Variants in SNTG1 observed in about 807,000 individuals in gnomAD.
The protein encoded by SNTG1 is syntrophin gamma 1.
SNTG1 carries 39 observed loss-of-function variants against 74.7 expected under a neutral mutation model. The ratio of observed to expected loss-of-function variants is 0.52; its 90% CI spans 0.40 to 0.68. SNTG1 has a LOEUF of 0.68. SNTG1 is among the 30% of genes least tolerant of loss of function. SNTG1 has a pLI of 0.00. For synonymous variants in SNTG1, 254 were observed against 217.1 expected, an observed-to-expected ratio of 1.17 and a Z score of -1.49; for missense variants, 685 against 609.5, an observed-to-expected ratio of 1.12 and a Z score of -1.30.
intron 2 of SNTG1, among the ~76,000 whole-genome samples, chr8:50,250,925 C>G (rs546091634): frequency 1.3e-5 from 2 of 151,634 alleles, no homozygotes; most frequent in Non-Finnish European, 2.9e-5. Flanking sequence ...ATAACCATAC[C>G]CAGAATTCCC....
chr8:50,115,576 A>AAAAAAAAAAAAAAAACAAAAC (rs1482375164), intron 1 of SNTG1, among the ~76,000 whole-genome samples: 1 of 82,800 alleles, frequency 1.2e-5, no homozygotes. Context: ...TCAAAAAAAA[A>AAAAAAAAAAAAAAAACAAAAC]AAAAAAAAAA....
rs140611176 is a variant in SNTG1 at position 50,627,677 on chromosome 8, C to T, written c.850-29232C>T. ...TTTGATTAATTTGCTAGAGCAGCTC[C>T]CAGAATGCAGGAAACATTTTACTTC... is the stretch of plus-strand genomic sequence containing the variant. On this transcript the variant is annotated intron_variant, in intron 13 of 18. Coordinates refer to ENST00000642720, the MANE Select transcript of SNTG1 (RefSeq NM_018967.5). 5.3e-3 allele frequency among the ~76,000 whole-genome samples: 810 copies of T among 152,234 alleles called. 6 individuals are homozygous for T. Among genetic ancestry groups the T allele is most frequent in the Middle Eastern group, 0.017 (5 of 294 alleles).
intron 1 of SNTG1, among the ~76,000 whole-genome samples, chr8:50,100,556 T>C (rs563699633): frequency 1.3e-5 from 2 of 152,160 alleles, no homozygotes; most frequent in East Asian, 3.9e-4. Context: ...TTATTACCTG[T>C]CAATTAAAAA....
chr8:49,977,888 T>C (rs1486803323), intron 1 of SNTG1, among the ~76,000 whole-genome samples: 1 of 152,228 alleles, frequency 6.6e-6, no homozygotes, highest in African/African-American at 2.4e-5. Context: ...GCTTGGGCGT[T>C]AGACGGTCTT....
intron 13 of SNTG1, among the ~76,000 whole-genome samples, chr8:50,613,283 G>C (rs2094863918): frequency 6.6e-6 from 1 of 152,046 alleles, no homozygotes; most frequent in Non-Finnish European, 1.5e-5. Context: ...AAAATTTCCT[G>C]AGTTTAGGGT....
chr8:50,700,345 T>C (rs1293935353), intron 15 of SNTG1, among the ~76,000 whole-genome samples: 1 of 152,174 alleles, frequency 6.6e-6, no homozygotes, highest in Non-Finnish European at 1.5e-5. Context: ...GAAACTCTAG[T>C]AAAAGAAATC....
intron 2 of SNTG1, among the ~76,000 whole-genome samples, chr8:50,264,593 G>A (rs561357230): frequency 6.7e-6 from 1 of 149,236 alleles, no homozygotes; most frequent in Non-Finnish European, 1.5e-5. Context: ...AAAGAAGAAA[G>A]AAACCAGAAA....
intron 1 of SNTG1, among the ~76,000 whole-genome samples, chr8:50,072,073 C>G (rs1821418868): frequency 6.6e-6 from 1 of 152,066 alleles, no homozygotes; most frequent in Non-Finnish European, 1.5e-5. Context: ...TTTTGAAAGT[C>G]AAATATCAGA....
intron 2 of SNTG1, among the ~76,000 whole-genome samples, chr8:50,307,408 G>T (rs565519126): frequency 4.9e-4 from 74 of 151,812 alleles, no homozygotes; most frequent in Non-Finnish European, 1.5e-5. Context: ...ATATGTAGTG[G>T]TATTGCATTA....
intron 15 of SNTG1, among the ~76,000 whole-genome samples, chr8:50,663,404 G>A (rs1563712563): frequency 6.6e-6 from 1 of 152,130 alleles, no homozygotes; most frequent in African/African-American, 2.4e-5. Context: ...GGAGATGAAG[G>A]GGCCAGAGGG....
intron 18 of SNTG1, among the ~76,000 whole-genome samples, chr8:50,782,949 G>C (rs1301212380): frequency 1.3e-5 from 2 of 152,136 alleles, no homozygotes; most frequent in Non-Finnish European, 2.9e-5. Flanking sequence ...CATGTCTGTT[G>C]GAGTTTGCCA....
chr8:50,177,490 G>A (rs571565644), intron 2 of SNTG1, among the ~76,000 whole-genome samples: 12 of 152,256 alleles, frequency 7.9e-5, no homozygotes, highest in Admixed American at 1.3e-4. Context: ...CTATTCCCAC[G>A]GAGGAGGAGT....
At chr8:49,971,461 C>G (rs549085542) in intron 1 of SNTG1, among the ~76,000 whole-genome samples, 2 of 152,222 alleles carry the variant, frequency 1.3e-5, no homozygotes, top group South Asian at 4.2e-4. Context: ...TGGCACAAGA[C>G]AGATGCCCTC....
intron 13 of SNTG1, among the ~76,000 whole-genome samples, chr8:50,597,965 T>A (rs1439486990): frequency 6.6e-6 from 1 of 151,886 alleles, no homozygotes; most frequent in Non-Finnish European, 1.5e-5. Flanking sequence ...GTTATTAATA[T>A]CTTGTCTGTG....
intron 1 of SNTG1, among the ~76,000 whole-genome samples, chr8:50,046,610 CATTCATTAACCTGA>C (rs1208196628): frequency 2.0e-5 from 3 of 152,256 alleles, no homozygotes; most frequent in South Asian, 2.1e-4. Flanking sequence ...CAAGAGTAAT[CATTCATTAACCTGA>C]ATTCAATTAA....
At chr8:50,687,112 G>A (rs573397178) in intron 15 of SNTG1, among the ~76,000 whole-genome samples, 36 of 148,600 alleles carry the variant, frequency 2.4e-4, no homozygotes, top group African/African-American at 7.7e-4. Context: ...TCCGCAGTCC[G>A]GCCTGGGCGA....
chr8:50,598,905 T>C (rs1296626456), intron 13 of SNTG1, among the ~76,000 whole-genome samples: 2 of 151,972 alleles, frequency 1.3e-5, no homozygotes, highest in Non-Finnish European at 2.9e-5. Flanking sequence ...ACTAATTCTA[T>C]GTTGATTGCA....
At chr8:49,916,222 C>T (rs891626006) in intron 1 of SNTG1, among the ~76,000 whole-genome samples, 3 of 151,210 alleles carry the variant, frequency 2.0e-5, no homozygotes, top group Non-Finnish European at 2.9e-5. Context: ...AACCCAGAAA[C>T]AGTCAAAAAC....
chr8:50,774,306 A>C (rs1452903544), intron 18 of SNTG1, among the ~76,000 whole-genome samples: 1 of 151,926 alleles, frequency 6.6e-6, no homozygotes, highest in African/African-American at 2.4e-5. Context: ...AAAGACATAA[A>C]ATTATCATGA....
Sources: allele counts gnomAD v4.1 joint callset (sites outside exome capture counted in the v4.1 genomes callset), GRCh38; gene constraint gnomAD v4.1.1; transcripts MANE v1.5; gene names NCBI Gene and HGNC (gene_info 2026-07-23, HGNC 2026-07-21).